LFNG: variants seen among roughly 807,000 people sequenced by gnomAD.
LFNG encodes beta-1,3-N-acetylglucosaminyltransferase lunatic fringe.
Under a neutral mutation model 32.7 loss-of-function variants are expected in LFNG, and 15 were observed. That is an observed-to-expected ratio of 0.46 (90% confidence interval 0.31 to 0.71). The LOEUF (loss-of-function observed/expected upper bound fraction) is 0.71. LFNG is among the 30% of genes least tolerant of loss of function. The probability of loss-of-function intolerance (pLI) is 0.06; values close to 1 mark genes in which losing one functional copy is unlikely to be tolerated. For missense variants in LFNG, 520 were observed against 545.7 expected (o/e 0.95, Z 0.47); for synonymous variants, 274 against 246.8 (o/e 1.11, Z -1.03).
At chr7:2,518,702 G>T, upstream of LFNG, 2 of 1,490,156 alleles carry the variant, frequency 1.3e-6, no homozygotes, top group Non-Finnish European at 1.8e-6. Flanking sequence ...GGCGGTGGTG[G>T]TCGTGGTGGT....
At position 2,525,781 on chromosome 7, in the gene LFNG, T is replaced by G. The variant is rs767862906; in HGVS notation, c.821+11T>G. 1 of 1,608,642 alleles carries G rather than the reference T, an allele frequency of 6.2e-7. No individual in the cohort carries two copies. The highest frequency in any genetic ancestry group is 1.1e-5 in the South Asian group (1 of 90,934). ...GAGCCCGTGGGCCAGGTGAGTGCCC[T>G]GCACAGGTTAGGCCAGCCCGGTCCC... On this transcript the variant is annotated intron_variant, in intron 5 of 7. Transcript: ENST00000222725.
At position 2,526,223 on chromosome 7, in the gene LFNG, CT is replaced by C. The variant is rs749312295; in HGVS notation, c.822-20del. On this transcript the variant is annotated intron_variant, in intron 5 of 7. Coordinates refer to ENST00000222725, the MANE Select transcript of LFNG (RefSeq NM_001040167.2). This position sits in a 1 kb window ranked among gnomAD's most constrained non-coding sequence, Gnocchi z 6.9. Reference sequence around the variant, plus strand: ...ATGGCTCCCGCCTCTGCTCACTGGTCTGGGCCCTTCCCTCCCGCAGCGGGGG... The same window carrying C: ...ATGGCTCCCGCCTCTGCTCACTGGTCGGGCCCTTCCCTCCCGCAGCGGGGG... 19 of 1,612,172 alleles carry C rather than the reference CT, an allele frequency of 1.2e-5. No homozygotes were observed. Among genetic ancestry groups the C allele is most frequent in the Admixed American group, 3.3e-5 (2 of 60,008 alleles).
At chr7:2,517,953 G>A, upstream of LFNG, 1 of 1,141,008 alleles carries the variant, frequency 8.8e-7, no homozygotes, top group Non-Finnish European at 1.1e-6. Context: ...AGGTAGGATA[G>A]GAGTGGGTGG....
At chr7:2,516,399 G>A (rs552596507), upstream of LFNG, among the ~76,000 whole-genome samples, 23 of 152,324 alleles carry the variant, frequency 1.5e-4, no homozygotes, top group South Asian at 4.1e-4. Flanking sequence ...GGAACAGCCC[G>A]GGGGAGGGAA....
At chr7:2,522,596 T>C (rs570414370) in intron 1 of LFNG, among the ~76,000 whole-genome samples, 1 of 145,974 alleles carries the variant, frequency 6.9e-6, no homozygotes, top group Non-Finnish European at 1.5e-5. Flanking sequence ...TCCACCCTCA[T>C]CCACCCGGCT....
chr7:2,522,084 G>A (rs1177394550), intron 1 of LFNG, among the ~76,000 whole-genome samples: 2 of 152,218 alleles, frequency 1.3e-5, no homozygotes, highest in Non-Finnish European at 2.9e-5. Flanking sequence ...AGCCCTGCAC[G>A]GAATGACTCA....
upstream of LFNG, among the ~76,000 whole-genome samples, chr7:2,519,366 C>T (rs1241534056): frequency 6.6e-6 from 1 of 152,178 alleles, no homozygotes; most frequent in African/African-American, 2.4e-5. Context: ...AGTAGGATGT[C>T]CCCCGCGGTG....
Position 2,528,173 on chromosome 7 carries a change from G to A in LFNG, c.*961G>A. 1.0e-6 allele frequency: 1 copy of A among 985,578 alleles called. No individual in the cohort carries two copies. The highest frequency in any genetic ancestry group is 1.2e-6 in the Non-Finnish European group (1 of 829,878). The allele number at this position is 985,578 out of a possible 1,614,324, so 61.1% of individuals were successfully genotyped here. A position where few individuals can be genotyped will look rare whatever the true frequency, so the allele number is the denominator to read the frequency against. ...CATCTTTGTTTTTAAAGCTGAAGTG[G>A]GACTGTCTGGCACTCTGTGTATTTA... On this transcript the variant is annotated 3_prime_UTR_variant, in exon 8 of 8. Transcript: ENST00000222725.
upstream of LFNG, among the ~76,000 whole-genome samples, chr7:2,517,394 CG>C (rs1779654341): frequency 6.6e-6 from 1 of 152,114 alleles, no homozygotes; most frequent in South Asian, 2.1e-4. Context: ...CAGAGAGACG[CG>C]GGAACCCCCC....
At position 2,520,774 on chromosome 7, in the gene LFNG, G is replaced by A. The variant is rs1779766985; in HGVS notation, c.432+481G>A. 6.6e-6 allele frequency among the ~76,000 whole-genome samples: 1 copy of A among 152,118 alleles called. No individual in the cohort carries two copies. Among genetic ancestry groups the A allele is most frequent in the South Asian group, 2.1e-4 (1 of 4,814 alleles). ...ACAGTGTTAAGGTACGGGGAGGGAG[G>A]GAAGTCATTGCTGGTTGGTGGGTCC... On this transcript the variant is annotated intron_variant, in intron 1 of 7. Coordinates refer to ENST00000222725, the MANE Select transcript of LFNG (RefSeq NM_001040167.2). This position sits in a 1 kb window ranked among gnomAD's most constrained non-coding sequence, Gnocchi z 5.0.
chr7:2,514,551 T>C (rs1332829657), upstream of LFNG, among the ~76,000 whole-genome samples: 1 of 127,386 alleles, frequency 7.9e-6, no homozygotes, highest in Non-Finnish European at 1.8e-5. Context: ...CCCATCCATC[T>C]GTCCATCCAT....
intron 2 of LFNG, among the ~76,000 whole-genome samples, 185 bp downstream of exon 2, chr7:2,524,928 G>A (rs1779909160): frequency 6.6e-6 from 1 of 152,222 alleles, no homozygotes; most frequent in South Asian, 2.1e-4. Flanking sequence ...TCATGCAAAT[G>A]AAGCCCATTC....
chr7:2,513,055 C>G, upstream of LFNG: 1 of 1,144,922 alleles, frequency 8.7e-7, no homozygotes, highest in Non-Finnish European at 1.3e-6. Context: ...GCCTCCCAGC[C>G]CCAGCCCACA....
rs1363533407 is a variant in LFNG at position 2,520,335 on chromosome 7, G to T, written c.432+42G>T. On this transcript the variant is annotated intron_variant, in intron 1 of 7. Transcript: ENST00000222725. The surrounding 1 kb of genome is among the most constrained non-coding windows in gnomAD (Gnocchi z 5.0). ...CTGGACTGGCGGGCGAGCGGGGCGG[G>T]GACCCACCATCTGGTCCAGCTGGTG... The T allele has an allele frequency of 1.3e-6, 2 of 1,571,324 alleles. No individual in the cohort carries two copies. The highest frequency in any genetic ancestry group is 2.2e-5 in the South Asian group (2 of 89,558).
chr7:2,513,361 CCTT>C (rs774455099), upstream of LFNG: 19 of 1,555,182 alleles, frequency 1.2e-5, no homozygotes, highest in African/African-American at 4.1e-5. Context: ...CATAACCTCC[CCTT>C]CTTCTGCTTC....
chr7:2,524,822 C>T, intron 2 of LFNG, 79 bp downstream of exon 2: 1 of 1,358,870 alleles, frequency 7.4e-7, no homozygotes, highest in Non-Finnish European at 1.0e-6. Flanking sequence ...CTCCCTGCCC[C>T]TCTGGGCCGA....
Position 2,526,722 on chromosome 7 carries a change from G to T in LFNG, c.988-114G>T. 1.0e-6 allele frequency: 1 copy of T among 985,660 alleles called. No homozygotes were observed. The highest frequency in any genetic ancestry group is 1.6e-6 in the Non-Finnish European group (1 of 627,844). 61.1% of individuals were successfully genotyped at this position (985,660 alleles called of 1,614,324 possible). A position where few individuals can be genotyped will look rare whatever the true frequency, so the allele number is the denominator to read the frequency against. Reference sequence around the variant, plus strand: ...GTGTGCAGGGCAGGTGTCCTTCCAGGTCCAAGGGAGGCCAGGGCAGGGCCG... The same window carrying T: ...GTGTGCAGGGCAGGTGTCCTTCCAGTTCCAAGGGAGGCCAGGGCAGGGCCG... On this transcript the variant is annotated intron_variant, in intron 6 of 7. Transcript: ENST00000222725. This position sits in a 1 kb window ranked among gnomAD's most constrained non-coding sequence, Gnocchi z 6.9.
upstream of LFNG, chr7:2,513,242 T>C (rs1446021856): frequency 1.3e-6 from 2 of 1,589,250 alleles, no homozygotes; most frequent in Non-Finnish European, 1.7e-6. Flanking sequence ...GACGGACAGA[T>C]GGACAGATGG....
chr7:2,526,943 T>C lies in LFNG; in HGVS notation c.1073+22T>C, dbSNP rs779388045. The C allele has an allele frequency of 6.2e-7, 1 of 1,608,756 alleles. No homozygotes were observed. Among genetic ancestry groups the C allele is most frequent in the Non-Finnish European group, 8.5e-7 (1 of 1,177,134 alleles). On this transcript the variant is annotated intron_variant, in intron 7 of 7. Coordinates refer to ENST00000222725, the MANE Select transcript of LFNG (RefSeq NM_001040167.2). This position sits in a 1 kb window ranked among gnomAD's most constrained non-coding sequence, Gnocchi z 6.9. ...CCAGGTAAGGAAACCCCGGCCCAGA[T>C]GGGCTTGCGTAGGGTGGCCTAGGGG...
Sources: allele counts gnomAD v4.1 joint callset (sites outside exome capture counted in the v4.1 genomes callset), GRCh38; gene constraint gnomAD v4.1.1; non-coding constraint Gnocchi (gnomAD v3.1); transcripts MANE v1.5; gene names NCBI Gene and HGNC (gene_info 2026-07-23, HGNC 2026-07-21).